The following MCPH1 variants were observed in gnomAD, a reference collection of about 807,000 sequenced individuals.
MCPH1 encodes the protein microcephalin.
Under a neutral mutation model 84.5 loss-of-function variants are expected in MCPH1, and 104 were observed. The observed-to-expected ratio is 1.23, with a 90% CI of 1.05 to 1.45. The LOEUF is 1.45. MCPH1 is among the 40% of genes most tolerant of loss of function. The pLI is 0.00. For synonymous variants in MCPH1, 514 were observed against 366.8 expected (o/e 1.40, Z -4.58); for missense variants, 1,498 against 1,005.7 (o/e 1.49, Z -6.62).
At chr8:6,410,101 C>G (rs953013982) in intron 2 of MCPH1, among the ~76,000 whole-genome samples, 3 of 151,968 alleles carry the variant, frequency 2.0e-5, no homozygotes, top group African/African-American at 7.3e-5. Context: ...TTCCAAGTAT[C>G]TGGGACTACA....
chr8:6,531,333 G>A (rs1187032314), intron 12 of MCPH1, among the ~76,000 whole-genome samples: 2 of 149,702 alleles, frequency 1.3e-5, no homozygotes, highest in Non-Finnish European at 3.0e-5. Context: ...CTGTTGCCCA[G>A]GCTGGAGTGC....
In MCPH1 at chr8:6,500,103, G is replaced by A. The variant is rs115080249; in HGVS notation, c.2214+174G>A. The A allele has an allele frequency of 1.6e-3, 1,024 of 632,600 alleles. 9 individuals carry two copies. In the African/African-American group the frequency reaches 0.017, roughly 10 times the overall value. 39.2% of individuals were successfully genotyped at this position (632,600 alleles called of 1,614,324 possible). On this transcript the variant is annotated intron_variant, in intron 12 of 13. Coordinates refer to ENST00000344683, the MANE Select transcript of MCPH1 (RefSeq NM_024596.5). ...TCAATTTATTCGCGAGAACAAATGT[G>A]AGAACGTGAGACCATTGTGCAAAAA...
At chr8:6,421,575 A>T (rs1299932805) in intron 3 of MCPH1, among the ~76,000 whole-genome samples, 1 of 152,106 alleles carries the variant, frequency 6.6e-6, no homozygotes, top group Non-Finnish European at 1.5e-5. Flanking sequence ...TTACTATTTC[A>T]TGATATTTAC....
rs139167381 is a variant in MCPH1 at position 6,419,453 on chromosome 8, C to T, written c.233+4570C>T. Among the ~76,000 whole-genome samples the T allele has an allele frequency of 3.8e-3, 582 of 151,632 alleles. 4 individuals carry two copies. The highest frequency in any genetic ancestry group is 0.012 in the African/African-American group (514 of 41,316). On this transcript the variant is annotated intron_variant, in intron 3 of 13. Coordinates refer to ENST00000344683, the MANE Select transcript of MCPH1 (RefSeq NM_024596.5). ...CTTGCTCTGTGGCCTAGTGCAGTGG[C>T]GCAATCTCGGCTCACTGTAAGCTCT...
intron 2 of MCPH1, among the ~76,000 whole-genome samples, chr8:6,413,179 T>C (rs1332790575): frequency 6.6e-6 from 1 of 152,200 alleles, no homozygotes. Flanking sequence ...GAGTGTAAAA[T>C]GCTAGCACAA....
chr8:6,424,164 T>G (rs1384080069), intron 3 of MCPH1, among the ~76,000 whole-genome samples: 1 of 152,250 alleles, frequency 6.6e-6, no homozygotes, highest in East Asian at 1.9e-4. Context: ...GATAAAATTC[T>G]GACATTTCCT....
intron 8 of MCPH1, among the ~76,000 whole-genome samples, chr8:6,448,561 G>A (rs1277396542): frequency 1.3e-5 from 2 of 152,164 alleles, no homozygotes; most frequent in African/African-American, 4.8e-5. Flanking sequence ...ACAGACTGTG[G>A]GTTGGAGTGT....
chr8:6,406,980 C>A (rs1398056846), intron 1 of MCPH1: 4 of 475,294 alleles, frequency 8.4e-6, no homozygotes, highest in Non-Finnish European at 1.5e-5. Context: ...CTCCCCCGTA[C>A]TGCTTGTGCC....
Position 6,516,595 on chromosome 8 carries a change from G to C in MCPH1, c.2214+16666G>C, listed in dbSNP as rs552182746. ...TGCAGTCAACAAAATGGTCAGTGCT[G>C]CTCACTTCTATCAATATTTCTTTTT... On this transcript the variant is annotated intron_variant, in intron 12 of 13. Transcript: ENST00000344683. Among the ~76,000 whole-genome samples, 5 of 152,270 alleles carry C rather than the reference G, an allele frequency of 3.3e-5. No individual in the cohort carries two copies. In the South Asian group the frequency reaches 1.0e-3, roughly 32 times the overall value.
At position 6,496,687 on chromosome 8, in the gene MCPH1, T is replaced by A. The variant is rs142166572; in HGVS notation, c.2137-3165T>A. On this transcript the variant is annotated intron_variant, in intron 11 of 13. Transcript: ENST00000344683. ...GAAATTTGGAATAAATGTAGTGTTA[T>A]GACTAACAGTAATGTTGCCTATCAA... Among the ~76,000 whole-genome samples, 839 of 152,324 alleles carry A rather than the reference T, an allele frequency of 5.5e-3. 10 individuals are homozygous for A. Among genetic ancestry groups the A allele is most frequent in the African/African-American group, 0.019 (800 of 41,570 alleles).
chr8:6,563,033 T>A, intron 12 of MCPH1: 1 of 1,327,880 alleles, frequency 7.5e-7, no homozygotes, highest in Non-Finnish European at 1.0e-6. Flanking sequence ...GCTGCTACGC[T>A]GCCATGGCTG....
chr8:6,587,408 C>T (rs1341434545), intron 12 of MCPH1, among the ~76,000 whole-genome samples: 1 of 152,164 alleles, frequency 6.6e-6, no homozygotes, highest in African/African-American at 2.4e-5. Context: ...AATTTCCATA[C>T]AATAGAATTC....
At chr8:6,530,785 A>G (rs734704) in intron 12 of MCPH1, among the ~76,000 whole-genome samples, 102,434 of 151,902 alleles carry the variant, frequency 0.67, 34,898 homozygotes, top group Non-Finnish European at 0.72. Context: ...CTATCATTTC[A>G]CTACTGTTTT....
At chr8:6,491,800 A>C (rs1478684893) in intron 11 of MCPH1, among the ~76,000 whole-genome samples, 1 of 151,830 alleles carries the variant, frequency 6.6e-6, no homozygotes, top group African/African-American at 2.4e-5. Flanking sequence ...TACAAAGGAC[A>C]TGAACTCATC....
intron 12 of MCPH1, among the ~76,000 whole-genome samples, chr8:6,517,985 T>C (rs1816596912): frequency 6.6e-6 from 1 of 152,222 alleles, no homozygotes; most frequent in South Asian, 2.1e-4. Context: ...TTAAAGGGAA[T>C]ATAAATCCTA....
At chr8:6,639,159 G>C (rs1177864245) in intron 13 of MCPH1, among the ~76,000 whole-genome samples, 1 of 152,200 alleles carries the variant, frequency 6.6e-6, no homozygotes, top group Non-Finnish European at 1.5e-5. Context: ...ATGCGTGGAA[G>C]GGTGGATGGG....
Position 6,502,986 on chromosome 8 carries a change from C to T in MCPH1, c.2214+3057C>T, listed in dbSNP as rs190499042. The T allele has an allele frequency of 5.8e-4, 738 of 1,278,848 alleles. 4 individuals carry two copies. In the African/African-American group the frequency reaches 8.2e-3, roughly 14 times the overall value. 79.2% of individuals were successfully genotyped at this position (1,278,848 alleles called of 1,614,324 possible). A position where few individuals can be genotyped will look rare whatever the true frequency, so the allele number is the denominator to read the frequency against. On this transcript the variant is annotated intron_variant, in intron 12 of 13. Coordinates refer to ENST00000344683, the MANE Select transcript of MCPH1 (RefSeq NM_024596.5). ...TGGAGCATGTGGGTCCCGTCAGCAC[C>T]GAGCACACGCCCTCTGTGGTGGAAG...
chr8:6,633,096 G>A (rs1046028647), intron 13 of MCPH1, among the ~76,000 whole-genome samples: 40 of 151,106 alleles, frequency 2.6e-4, no homozygotes, highest in African/African-American at 9.7e-4. Flanking sequence ...TATAAAAAAC[G>A]TACAACAAAT....
At chr8:6,610,016 G>T (rs576253064) in intron 12 of MCPH1, among the ~76,000 whole-genome samples, 5 of 152,136 alleles carry the variant, frequency 3.3e-5, no homozygotes, top group Non-Finnish European at 7.3e-5. Flanking sequence ...TTATATAAAC[G>T]ATACTCCCAG....
Sources: allele counts gnomAD v4.1 joint callset (sites outside exome capture counted in the v4.1 genomes callset), GRCh38; gene constraint gnomAD v4.1.1; transcripts MANE v1.5; gene names NCBI Gene and HGNC (gene_info 2026-07-23, HGNC 2026-07-21).